PDE4D: variants seen among roughly 807,000 people sequenced by gnomAD.
PDE4D encodes phosphodiesterase 4D.
In PDE4D, 24 loss-of-function variants were observed where a neutral mutation model predicts 87.4. The observed-to-expected ratio is 0.27, with a 90% CI of 0.20 to 0.39. The LOEUF is 0.39. Among genes scored for constraint, PDE4D ranks in the 10% least tolerant of loss-of-function variants. PDE4D has a pLI of 1.00. For missense variants in PDE4D, 714 were observed against 1,041.0 expected, an observed-to-expected ratio of 0.69 and a Z score of 4.32; for synonymous variants, 384 against 383.2, an observed-to-expected ratio of 1.00 and a Z score of -0.02.
At chr5:59,497,102 C>T (rs1807363114) in intron 1 of PDE4D, among the ~76,000 whole-genome samples, 1 of 152,156 alleles carries the variant, frequency 6.6e-6, no homozygotes, top group Non-Finnish European at 1.5e-5. Context: ...TGAAAGCACT[C>T]AGAAATGAAG....
At chr5:59,769,156 G>T (rs1763190289) in intron 1 of PDE4D, among the ~76,000 whole-genome samples, 1 of 151,878 alleles carries the variant, frequency 6.6e-6, no homozygotes, top group Admixed American at 6.6e-5. Context: ...AACTCAATCT[G>T]ATGAACCACA....
intron 1 of PDE4D, among the ~76,000 whole-genome samples, chr5:59,345,690 A>G (rs1477094296): frequency 6.6e-6 from 1 of 152,192 alleles, no homozygotes; most frequent in Non-Finnish European, 1.5e-5. Flanking sequence ...TTAAGATGCC[A>G]TCACTGAAAA....
intron 1 of PDE4D, among the ~76,000 whole-genome samples, chr5:59,407,632 A>C (rs1791930157): frequency 6.6e-6 from 1 of 152,216 alleles, no homozygotes; most frequent in South Asian, 2.1e-4. Context: ...CAAAATGCTG[A>C]TAGTGATCTG....
chr5:60,366,847 C>G (rs1760595630), intron 1 of PDE4D, among the ~76,000 whole-genome samples: 1 of 152,164 alleles, frequency 6.6e-6, no homozygotes, highest in African/African-American at 2.4e-5. Flanking sequence ...GGAGATTTAC[C>G]TGGCAAGTCA....
At chr5:60,440,875 A>T (rs1000457171) in intron 1 of PDE4D, among the ~76,000 whole-genome samples, 2 of 152,134 alleles carry the variant, frequency 1.3e-5, no homozygotes, top group African/African-American at 4.8e-5. Context: ...AATTTTTCCA[A>T]GGTTACAAAA....
At chr5:59,780,112 C>T (rs963242476) in intron 1 of PDE4D, among the ~76,000 whole-genome samples, 1 of 151,832 alleles carries the variant, frequency 6.6e-6, no homozygotes, top group South Asian at 2.1e-4. Flanking sequence ...GCCTGTAATC[C>T]CAGCACTTTG....
chr5:59,248,720 C>T (rs779919693), intron 1 of PDE4D, among the ~76,000 whole-genome samples: 22 of 151,910 alleles, frequency 1.4e-4, no homozygotes, highest in Admixed American at 7.2e-4. Context: ...TAATTTATAT[C>T]TGAGGTGTCT....
intron 1 of PDE4D, among the ~76,000 whole-genome samples, chr5:59,544,224 A>G (rs891870170): frequency 2.0e-5 from 3 of 152,222 alleles, no homozygotes; most frequent in Non-Finnish European, 4.4e-5. Flanking sequence ...CATTCATTGA[A>G]GAAGGAACTC....
chr5:59,318,666 T>C (rs1774170887), intron 1 of PDE4D, among the ~76,000 whole-genome samples: 1 of 152,072 alleles, frequency 6.6e-6, no homozygotes, highest in South Asian at 2.1e-4. Flanking sequence ...AGAAAATAAA[T>C]TAAAAATATG....
At chr5:59,074,524 G>A (rs533376032) in intron 5 of PDE4D, among the ~76,000 whole-genome samples, 8 of 152,268 alleles carry the variant, frequency 5.3e-5, no homozygotes, top group East Asian at 1.9e-4. Context: ...TTGGGAGGCC[G>A]AGGCAGGCAG....
At chr5:60,153,332 A>G (rs1490799972) in intron 2 of PDE4D, among the ~76,000 whole-genome samples, 1 of 152,172 alleles carries the variant, frequency 6.6e-6, no homozygotes, top group Admixed American at 6.5e-5. Context: ...ATCACCTCAC[A>G]TCTATTAGAA....
At chr5:60,146,425 C>A (rs774258769) in intron 2 of PDE4D, among the ~76,000 whole-genome samples, 1 of 152,174 alleles carries the variant, frequency 6.6e-6, no homozygotes, top group African/African-American at 2.4e-5. Flanking sequence ...CAAGATCAGA[C>A]CAAGCTATTT....
intron 2 of PDE4D, among the ~76,000 whole-genome samples, chr5:60,128,554 A>C (rs1232716250): frequency 6.6e-6 from 1 of 152,250 alleles, no homozygotes; most frequent in African/African-American, 2.4e-5. Flanking sequence ...ACAGGTGCAT[A>C]GGAAGAAACC....
intron 3 of PDE4D, among the ~76,000 whole-genome samples, chr5:59,966,657 G>A (rs1760089800): frequency 6.6e-6 from 1 of 152,136 alleles, no homozygotes; most frequent in Non-Finnish European, 1.5e-5. Flanking sequence ...TTTTGCAAAT[G>A]TCATCTGAGT....
At chr5:59,899,462 C>A (rs1410984463) in intron 3 of PDE4D, among the ~76,000 whole-genome samples, 2 of 151,260 alleles carry the variant, frequency 1.3e-5, no homozygotes, top group Non-Finnish European at 2.9e-5. Context: ...TTTATATATA[C>A]ATATGCATGC....
At chr5:60,034,080 G>A (rs1767531724) in intron 2 of PDE4D, among the ~76,000 whole-genome samples, 1 of 152,178 alleles carries the variant, frequency 6.6e-6, no homozygotes, top group Admixed American at 6.5e-5. Context: ...GCTGAGTAGA[G>A]AAGTTGTGAG....
chr5:60,162,242 A>T (rs1782528190), intron 2 of PDE4D, among the ~76,000 whole-genome samples: 1 of 152,178 alleles, frequency 6.6e-6, no homozygotes, highest in South Asian at 2.1e-4. Context: ...ATGGAAGATT[A>T]GCATAGTGGG....
intron 1 of PDE4D, among the ~76,000 whole-genome samples, chr5:60,310,087 A>G (rs1583377189): frequency 6.6e-6 from 1 of 152,146 alleles, no homozygotes; most frequent in Admixed American, 6.5e-5. Context: ...AATAGCTAGC[A>G]CCTTACCACT....
intron 1 of PDE4D, among the ~76,000 whole-genome samples, chr5:59,490,260 T>C (rs1350442216): frequency 6.6e-6 from 1 of 152,160 alleles, no homozygotes; most frequent in Non-Finnish European, 1.5e-5. Context: ...AAAAATATTT[T>C]AAAATATTTA....
Sources: allele counts gnomAD v4.1 joint callset (sites outside exome capture counted in the v4.1 genomes callset), GRCh38; gene constraint gnomAD v4.1.1; transcripts MANE v1.5; gene names NCBI Gene and HGNC (gene_info 2026-07-23, HGNC 2026-07-21).